The following PLPPR4 variants were observed in gnomAD, a reference collection of about 807,000 sequenced individuals.
PLPPR4 encodes the protein phospholipid phosphatase-related protein type 4.
PLPPR4 carries 24 observed loss-of-function variants against 56.6 expected under a neutral mutation model. That is an observed-to-expected ratio of 0.42 (90% CI 0.31 to 0.60). The LOEUF (loss-of-function observed/expected upper bound fraction) is 0.60, where lower values mean the gene tolerates loss of function less well. Ranked by LOEUF, PLPPR4 falls within the 20% of genes least tolerant of loss-of-function variation. PLPPR4 has a pLI of 0.13. For synonymous variants in PLPPR4, 326 were observed against 328.1 expected (o/e 0.99, Z 0.07); for missense variants, 654 against 885.8 (o/e 0.74, Z 3.32).
At chr1:99,303,593 T>A (rs1395397003) in intron 6 of PLPPR4, among the ~76,000 whole-genome samples, 1 of 152,016 alleles carries the variant, frequency 6.6e-6, no homozygotes, top group Non-Finnish European at 1.5e-5. Flanking sequence ...GAAGTAAAAA[T>A]AAATTATCTG....
intron 1 of PLPPR4, among the ~76,000 whole-genome samples, chr1:99,273,518 C>T (rs1659109570): frequency 6.6e-6 from 1 of 152,026 alleles, no homozygotes; most frequent in African/African-American, 2.4e-5. Context: ...TTAATGAAAT[C>T]CTAGGCATGC....
At chr1:99,295,928 C>T (rs531687766) in intron 2 of PLPPR4, among the ~76,000 whole-genome samples, 16 of 152,278 alleles carry the variant, frequency 1.1e-4, no homozygotes, top group Admixed American at 3.9e-4. Flanking sequence ...GCCACATAGA[C>T]GGAGATGTGA....
rs192182015 is a variant in PLPPR4, at chr1:99,273,065, G to A, written c.78+8394G>A. 1.7e-3 allele frequency among the ~76,000 whole-genome samples: 257 copies of A among 152,154 alleles called. 1 individual carries two copies. The highest frequency in any genetic ancestry group is 5.8e-3 in the African/African-American group (239 of 41,548). Reference sequence around the variant, plus strand: ...AGAAATGTATTTACAGATAACTATCGAATGGAGTAATCTTTTCATGGTCAA... The same window carrying A: ...AGAAATGTATTTACAGATAACTATCAAATGGAGTAATCTTTTCATGGTCAA... On this transcript the variant is annotated intron_variant, in intron 1 of 6. Coordinates refer to ENST00000370185, the MANE Select transcript of PLPPR4 (RefSeq NM_014839.5).
At chr1:99,301,568 A>G (rs1177259186) in intron 5 of PLPPR4, among the ~76,000 whole-genome samples, 156 bp from the exon 6 acceptor site, 2 of 152,084 alleles carry the variant, frequency 1.3e-5, no homozygotes, top group African/African-American at 2.4e-5. Context: ...CATCATGCAT[A>G]TCCCTTCTTG....
intron 6 of PLPPR4, among the ~76,000 whole-genome samples, chr1:99,302,124 T>C (rs1659895676): frequency 1.3e-5 from 2 of 152,060 alleles, no homozygotes; most frequent in Admixed American, 6.6e-5. Context: ...CTGAATTTTG[T>C]CTTTATGCCA....
chr1:99,274,046 T>C (rs61783477), intron 1 of PLPPR4, among the ~76,000 whole-genome samples: 9,832 of 152,126 alleles, frequency 0.065, 588 homozygotes, highest in African/African-American at 0.15. Flanking sequence ...AAGGCATCAC[T>C]GAAGCAAAGA....
At chr1:99,296,909 T>A (rs376515424) in intron 3 of PLPPR4, 42 bp downstream of exon 3, 80 of 1,484,308 alleles carry the variant, frequency 5.4e-5, no homozygotes, top group Non-Finnish European at 6.4e-5. Context: ...GCTTTTTTTT[T>A]TATATTGAAA....
In PLPPR4 at chr1:99,305,726, T is replaced by C. The variant is rs763326262; in HGVS notation, c.864T>C (p.Ser288=). The change falls in exon 7 of 7, where the codon AGT becomes AGC. Residue 288 remains serine, a synonymous_variant. Coordinates refer to ENST00000370185, the MANE Select transcript of PLPPR4 (RefSeq NM_014839.5). ...AVGNFLPSDE[S]MFQHRDALRS... ...GGAATTTCCTGCCCAGTGATGAGAG[T>C]ATGTTTCAGCACAGAGACGCCCTCA... The C allele has an allele frequency of 8.7e-5, 140 of 1,613,542 alleles. No homozygotes were observed. The highest frequency in any genetic ancestry group is 1.1e-4 in the Non-Finnish European group (131 of 1,179,940).
intron 1 of PLPPR4, among the ~76,000 whole-genome samples, chr1:99,270,434 CAGA>C (rs1489098386): frequency 1.3e-5 from 2 of 152,204 alleles, no homozygotes; most frequent in Non-Finnish European, 2.9e-5. Context: ...ACAGTTTGTT[CAGA>C]AGAAGAAGCC....
At chr1:99,304,057 C>T (rs1270229010) in intron 6 of PLPPR4, among the ~76,000 whole-genome samples, 1 of 152,156 alleles carries the variant, frequency 6.6e-6, no homozygotes, top group Admixed American at 6.5e-5. Context: ...CCTGTTTCTT[C>T]ACCTACAAAA....
At chr1:99,294,729 G>C (rs1464045823) in intron 2 of PLPPR4, among the ~76,000 whole-genome samples, 1 of 150,350 alleles carries the variant, frequency 6.7e-6, no homozygotes, top group East Asian at 1.9e-4. Flanking sequence ...GAAATCTCAA[G>C]GTCTCAAGCT....
intron 6 of PLPPR4, among the ~76,000 whole-genome samples, chr1:99,302,671 C>G (rs947129757): frequency 6.3e-5 from 7 of 111,132 alleles, no homozygotes; most frequent in East Asian, 3.2e-4. Context: ...CCCCTCCCCC[C>G]ACCCCACAAC....
At chr1:99,282,827 G>A (rs1044271502) in intron 1 of PLPPR4, among the ~76,000 whole-genome samples, 1 of 151,208 alleles carries the variant, frequency 6.6e-6, no homozygotes, top group Non-Finnish European at 1.5e-5. Context: ...TGCTTAAATG[G>A]CACCTACTCA....
Position 99,306,134 on chromosome 1 carries a change from A to C in PLPPR4, c.1272A>C (p.Ser424=), listed in dbSNP as rs1483603500. 6.2e-7 allele frequency: 1 copy of C among 1,614,024 alleles called. No homozygotes were observed. Among genetic ancestry groups the C allele is most frequent in the Admixed American group, 1.7e-5 (1 of 59,998 alleles). The change falls in exon 7 of 7, where the codon TCA becomes TCC. Residue 424 remains serine, a synonymous_variant. Coordinates refer to ENST00000370185, the MANE Select transcript of PLPPR4 (RefSeq NM_014839.5). This position sits in a 1 kb window ranked among gnomAD's most constrained non-coding sequence, Gnocchi z 4.0. ...TTATAGAGCCTGAGCCTGGGCAGTC[A>C]CCACCCAGATCCATAGAAATGAGGT... ...LQVIEPEPGQ[S]PPRSIEMRSS... is the part of the protein sequence containing the mutation.
intron 1 of PLPPR4, among the ~76,000 whole-genome samples, chr1:99,279,048 A>G (rs909585668): frequency 6.6e-6 from 1 of 152,336 alleles, no homozygotes; most frequent in Middle Eastern, 3.4e-3. Context: ...TCTTAACAAT[A>G]CTGCAAGAAT....
chr1:99,279,194 A>G (rs1237136364), intron 1 of PLPPR4, among the ~76,000 whole-genome samples: 2 of 152,202 alleles, frequency 1.3e-5, no homozygotes, highest in East Asian at 3.8e-4. Context: ...GTCGCTGAAT[A>G]AGAGAGAATG....
intron 1 of PLPPR4, among the ~76,000 whole-genome samples, chr1:99,283,985 T>C (rs1398816138): frequency 6.6e-6 from 1 of 152,078 alleles, no homozygotes; most frequent in Non-Finnish European, 1.5e-5. Flanking sequence ...AAAAGCTTGG[T>C]TCACACTTTT....
At chr1:99,267,404 C>A (rs912905386) in intron 1 of PLPPR4, among the ~76,000 whole-genome samples, 2 of 152,146 alleles carry the variant, frequency 1.3e-5, no homozygotes, top group Non-Finnish European at 2.9e-5. Flanking sequence ...TGACTTGGTT[C>A]AAACACCGCC....
chr1:99,283,664 G>T (rs909047724), intron 1 of PLPPR4, among the ~76,000 whole-genome samples: 2 of 152,082 alleles, frequency 1.3e-5, no homozygotes, highest in African/African-American at 2.4e-5. Context: ...AAAATAGCTC[G>T]GTTTGGCTGG....
Sources: gnomAD v4.1 joint callset for allele counts (sites outside exome capture counted in the v4.1 genomes callset) on GRCh38, gnomAD v4.1.1 for gene constraint, Gnocchi (gnomAD v3.1) non-coding constraint, MANE v1.5 for transcripts, NCBI Gene and HGNC (gene_info 2026-07-23, HGNC 2026-07-21) for gene names.